Variants in ANGPTL1 observed in about 807,000 individuals in gnomAD.
ANGPTL1 encodes angiopoietin like 1.
In ANGPTL1, 36 loss-of-function variants were observed where a neutral mutation model predicts 46.7. The ratio of observed to expected loss-of-function variants is 0.77; its 90% CI spans 0.59 to 1.02. The LOEUF (loss-of-function observed/expected upper bound fraction) is 1.02. Among genes scored for constraint, ANGPTL1 ranks in the 50% least tolerant of loss-of-function variants. The pLI, the probability that ANGPTL1 is intolerant of heterozygous loss-of-function variation, is 0.00. For missense variants in ANGPTL1, 571 were observed against 594.7 expected, an observed-to-expected ratio of 0.96 and a Z score of 0.41; for synonymous variants, 221 against 204.3, an observed-to-expected ratio of 1.08 and a Z score of -0.69.
At chr1:178,859,014 A>G (rs908042924) in intron 3 of ANGPTL1, among the ~76,000 whole-genome samples, 16 of 152,206 alleles carry the variant, frequency 1.1e-4, no homozygotes, top group Non-Finnish European at 2.4e-4. Flanking sequence ...AGTTAAATAT[A>G]TTCAACATTT....
chr1:178,862,018 A>T (rs769159460), intron 3 of ANGPTL1, among the ~76,000 whole-genome samples: 21 of 151,990 alleles, frequency 1.4e-4, no homozygotes, highest in Non-Finnish European at 2.1e-4. Flanking sequence ...GATTACAGGC[A>T]CGCACCACCA....
intron 3 of ANGPTL1, among the ~76,000 whole-genome samples, chr1:178,862,538 C>T (rs1488972236): frequency 6.6e-6 from 1 of 152,058 alleles, no homozygotes; most frequent in East Asian, 1.9e-4. Flanking sequence ...TGGAGAGGAA[C>T]GATCACTTCA....
chr1:178,862,865 T>A (rs1401854417), intron 3 of ANGPTL1, among the ~76,000 whole-genome samples: 1 of 152,054 alleles, frequency 6.6e-6, no homozygotes, highest in East Asian at 1.9e-4. Context: ...ATGTGAGTAG[T>A]TTAAGAAGAT....
intron 3 of ANGPTL1, among the ~76,000 whole-genome samples, chr1:178,859,351 A>G (rs1657800427): frequency 6.6e-6 from 1 of 151,800 alleles, no homozygotes. Flanking sequence ...AAATAAGCCT[A>G]CCACTAAAAA....
rs1348181502 is a variant in ANGPTL1 at position 178,865,541 on chromosome 1, A to C, written c.236T>G (p.Met79Arg). 1.2e-6 allele frequency: 2 copies of C among 1,614,088 alleles called. No individual in the cohort carries two copies. Among genetic ancestry groups the C allele is most frequent in the Admixed American group, 3.3e-5 (2 of 60,014 alleles). The part of the protein sequence containing the change: ...KGQDASTIKD[M>R]ITRMDLENLK... The stretch of plus-strand genomic sequence containing the variant: ...GTTTTCAAGGTCCATCCTGGTGATC[A>C]TGTCTTTAATGGTACTTGCATCTTG... Residue 79 changes from methionine to arginine, a missense_variant, in exon 3 of 6, where the codon ATG (methionine) becomes AGG (arginine). Met to Arg is a moderately conservative substitution (Grantham distance 91). Coordinates refer to ENST00000234816, the MANE Select transcript of ANGPTL1 (RefSeq NM_004673.4).
At position 178,856,394 on chromosome 1, in the gene ANGPTL1, A is replaced by ATTTT. The variant is rs71108081; in HGVS notation, c.824-2611_824-2608dup. On this transcript the variant is annotated intron_variant, in intron 3 of 5. Transcript: ENST00000234816. ...AGGCAAGTGCCACCCTGCCTGGCTA[A>ATTTT]TTTTTTTTTTTTTTTTTTTTTTTTT... is the stretch of plus-strand genomic sequence containing the variant. Among the ~76,000 whole-genome samples the ATTTT allele has an allele frequency of 3.7e-3, 133 of 36,428 alleles. 26 individuals are homozygous for ATTTT. The highest frequency in any genetic ancestry group is 0.015 in the African/African-American group (104 of 6,862). 23.9% of individuals were successfully genotyped at this position (36,428 alleles called of 152,430 possible).
intron 5 of ANGPTL1, 51 bp downstream of exon 5, chr1:178,852,632 A>G: frequency 1.3e-6 from 2 of 1,545,678 alleles, no homozygotes; most frequent in Non-Finnish European, 1.8e-6. Context: ...GATTCTATTT[A>G]ATGCATAGAA....
In ANGPTL1 at chr1:178,853,790, A is replaced by G. The variant is rs369182838; in HGVS notation, c.824-3T>C. On this transcript the variant is annotated splice_polypyrimidine_tract_variant and splice_region_variant and intron_variant, in intron 3 of 5. Coordinates refer to ENST00000234816, the MANE Select transcript of ANGPTL1 (RefSeq NM_004673.4). ...TTGCTGACAGTCTTTGAATGGTCCTATAATTTAAATATCATTTATTATCAG... is the reference window on the plus strand; with the variant it reads ...TTGCTGACAGTCTTTGAATGGTCCTGTAATTTAAATATCATTTATTATCAG... The G allele has an allele frequency of 2.0e-5, 31 of 1,554,632 alleles. No individual in the cohort carries two copies. Among genetic ancestry groups the G allele is most frequent in the African/African-American group, 1.4e-4 (10 of 71,590 alleles).
chr1:178,856,289 G>A lies in ANGPTL1; in HGVS notation c.824-2502C>T, dbSNP rs914688745. ...GTTTCCCAGGCTGGAGTGCAGTGGT[G>A]TAGTCATAGCTCACCACAGCCTCGA... On this transcript the variant is annotated intron_variant, in intron 3 of 5. Transcript: ENST00000234816. Among the ~76,000 whole-genome samples, 8 of 142,956 alleles carry A rather than the reference G, an allele frequency of 5.6e-5. No homozygotes were observed. The East Asian group carries it at 1.4e-3, about 25-fold the overall frequency. The allele number at this position is 142,956 out of a possible 152,430, so 93.8% of individuals were successfully genotyped here. A position where few individuals can be genotyped will look rare whatever the true frequency, so the allele number is the denominator to read the frequency against.
chr1:178,864,221 G>A (rs1658225204), intron 3 of ANGPTL1, among the ~76,000 whole-genome samples: 1 of 152,096 alleles, frequency 6.6e-6, no homozygotes, highest in South Asian at 2.1e-4. Flanking sequence ...TGCATGAAGA[G>A]AGAAAGAAAT....
intron 3 of ANGPTL1, among the ~76,000 whole-genome samples, chr1:178,860,432 T>G (rs1452640258): frequency 6.6e-6 from 1 of 152,218 alleles, no homozygotes; most frequent in Non-Finnish European, 1.5e-5. Flanking sequence ...TGTCATAACA[T>G]CTTTTATAAA....
At chr1:178,856,624 C>T (rs1379194442) in intron 3 of ANGPTL1, among the ~76,000 whole-genome samples, 1 of 151,440 alleles carries the variant, frequency 6.6e-6, no homozygotes, top group Non-Finnish European at 1.5e-5. Context: ...ACTTAGTGAA[C>T]GTATTCAGAG....
chr1:178,867,864 C>T (rs1331935644), intron 2 of ANGPTL1, among the ~76,000 whole-genome samples: 5 of 151,994 alleles, frequency 3.3e-5, no homozygotes, highest in Admixed American at 2.0e-4. Context: ...CTTATGCTGT[C>T]GTCATGAAGA....
At chr1:178,856,202 G>GAGATATATATATATATATATATATATAT (rs1428022812) in intron 3 of ANGPTL1, among the ~76,000 whole-genome samples, 7 of 83,910 alleles carry the variant, frequency 8.3e-5, no homozygotes, top group African/African-American at 4.5e-4. Flanking sequence ...GAGAGAGAGA[G>GAGATATATATATATATATATATATATAT]ATATATATAT....
chr1:178,851,016 A>G lies in ANGPTL1; in HGVS notation c.*113T>C. 1.9e-6 allele frequency: 2 copies of G among 1,040,406 alleles called. No homozygotes were observed. Among genetic ancestry groups the G allele is most frequent in the South Asian group, 5.5e-5 (2 of 36,666 alleles). The allele number at this position is 1,040,406 out of a possible 1,614,324, so 64.4% of individuals were successfully genotyped here. A position where few individuals can be genotyped will look rare whatever the true frequency, so the allele number is the denominator to read the frequency against. ...TATAGTTACGGTAAAATTCATTTTAAAAACTTTCTGTGTAGAAATAAATTG... is the reference window on the plus strand; with the variant it reads ...TATAGTTACGGTAAAATTCATTTTAGAAACTTTCTGTGTAGAAATAAATTG... On this transcript the variant is annotated 3_prime_UTR_variant, in exon 6 of 6. Coordinates refer to ENST00000234816, the MANE Select transcript of ANGPTL1 (RefSeq NM_004673.4).
intron 3 of ANGPTL1, among the ~76,000 whole-genome samples, chr1:178,854,052 TTC>T (rs1450319053): frequency 6.6e-6 from 1 of 152,130 alleles, no homozygotes; most frequent in Admixed American, 6.6e-5. Context: ...GAAAATTGGA[TTC>T]TGTCTTAACA....
chr1:178,864,975 G>A lies in ANGPTL1; in HGVS notation c.802C>T (p.Pro268Ser), dbSNP rs769773335. 2.1e-6 allele frequency: 3 copies of A among 1,459,234 alleles called. No individual in the cohort carries two copies. Among genetic ancestry groups the A allele is most frequent in the Non-Finnish European group, 2.7e-6 (3 of 1,105,106 alleles). The allele number at this position is 1,459,234 out of a possible 1,614,324, so 90.4% of individuals were successfully genotyped here. The change falls in exon 3 of 6, where the codon CCG (proline) becomes TCG (serine). Residue 268 changes from proline (P) to serine (S), a missense_variant. Transcript: ENST00000234816. Reference sequence around the variant, plus strand: ...TCACCTTCATTGATGAAAGTTACCGGTGGTATCTTGAAAGGGCTTTTGGTG... The same window carrying A: ...TCACCTTCATTGATGAAAGTTACCGATGGTATCTTGAAAGGGCTTTTGGTG... Reference protein sequence around the residue: ...SPTKSPFKIPPVTFINEGPFK... With the variant: ...SPTKSPFKIPSVTFINEGPFK...
intron 3 of ANGPTL1, among the ~76,000 whole-genome samples, chr1:178,859,398 T>TA (rs1657803446): frequency 6.8e-6 from 1 of 146,376 alleles, no homozygotes; most frequent in Non-Finnish European, 1.5e-5. Context: ...TTTCCAAGTT[T>TA]AACTTTTTTT....
rs114419065 is a variant in ANGPTL1 at position 178,864,767 on chromosome 1, T to G, written c.823+187A>C. On this transcript the variant is annotated intron_variant, in intron 3 of 5. Coordinates refer to ENST00000234816, the MANE Select transcript of ANGPTL1 (RefSeq NM_004673.4). ...AATACATTAAGTTTTTATAAACTCC[T>G]GGAACTTCAGAGCTGGAAGAGGAGA... Among the ~76,000 whole-genome samples, 1,011 of 152,242 alleles carry G rather than the reference T, an allele frequency of 6.6e-3. 8 individuals are homozygous for G. The highest frequency in any genetic ancestry group is 0.023 in the African/African-American group (938 of 41,554).
Sources: gnomAD v4.1 joint callset for allele counts (sites outside exome capture counted in the v4.1 genomes callset) on GRCh38, gnomAD v4.1.1 for gene constraint, MANE v1.5 for transcripts, NCBI Gene and HGNC (gene_info 2026-07-23, HGNC 2026-07-21) for gene names.